PCDHA7: variants seen among roughly 807,000 people sequenced by gnomAD.
PCDHA7 encodes the protein protocadherin alpha-7.
PCDHA7 carries 37 observed loss-of-function variants against 57.2 expected under a neutral mutation model. That is an observed-to-expected ratio of 0.65 (90% confidence interval 0.50 to 0.85). PCDHA7 has a LOEUF of 0.85. Ranked by LOEUF, PCDHA7 falls within the 40% of genes least tolerant of loss-of-function variation. The pLI is 0.00. For synonymous variants in PCDHA7, 553 were observed against 558.8 expected, an observed-to-expected ratio of 0.99 and a Z score of 0.15; for missense variants, 1,188 against 1,241.8, an observed-to-expected ratio of 0.96 and a Z score of 0.65.
intron 1 of PCDHA7, among the ~76,000 whole-genome samples, chr5:140,963,398 G>C (rs1465736344): frequency 6.6e-6 from 1 of 152,220 alleles, no homozygotes; most frequent in Admixed American, 6.5e-5. Flanking sequence ...CTCCCTACTG[G>C]ATGCTGTAGA....
intron 1 of PCDHA7, among the ~76,000 whole-genome samples, chr5:140,915,092 C>T (rs781958993): frequency 9.2e-5 from 14 of 151,760 alleles, no homozygotes; most frequent in East Asian, 1.9e-4. Context: ...ACTATGGGCA[C>T]GCACCACCAC....
At chr5:140,903,714 A>G (rs1159490924) in intron 1 of PCDHA7, among the ~76,000 whole-genome samples, 3 of 152,324 alleles carry the variant, frequency 2.0e-5, no homozygotes, top group African/African-American at 2.4e-5. Context: ...AAAATATACA[A>G]TTCTCCCTAT....
chr5:140,857,737 G>C (rs782448076), intron 1 of PCDHA7: 4 of 1,597,412 alleles, frequency 2.5e-6, no homozygotes, highest in Middle Eastern at 1.8e-4. Context: ...ACGCTCCCGC[G>C]CTGCTGGCGT....
At chr5:140,925,513 A>G (rs2082534793) in intron 1 of PCDHA7, among the ~76,000 whole-genome samples, 1 of 152,104 alleles carries the variant, frequency 6.6e-6, no homozygotes, top group South Asian at 2.1e-4. Flanking sequence ...CACGCAAAAG[A>G]CCAAATTAAA....
At chr5:140,841,726 A>G (rs1777447763) in intron 1 of PCDHA7, 1 of 1,613,794 alleles carries the variant, frequency 6.2e-7, no homozygotes, top group African/African-American at 1.3e-5. Flanking sequence ...TGTTCCGGGT[A>G]AAAGACCAAA....
chr5:140,951,983 A>G (rs1043433314), intron 1 of PCDHA7, among the ~76,000 whole-genome samples: 1 of 152,214 alleles, frequency 6.6e-6, no homozygotes, highest in African/African-American at 2.4e-5. Context: ...CAAAAGGGAA[A>G]AACCAGCCAA....
intron 2 of PCDHA7, among the ~76,000 whole-genome samples, chr5:140,980,838 A>G (rs141603230): frequency 5.3e-5 from 8 of 152,320 alleles, no homozygotes; most frequent in African/African-American, 1.4e-4. Flanking sequence ...GTGAACCTAA[A>G]TAATACTAAT....
intron 3 of PCDHA7, among the ~76,000 whole-genome samples, chr5:141,000,387 C>G (rs868946328): frequency 1.5e-5 from 1 of 66,898 alleles, no homozygotes. Context: ...CTCTCTCTCT[C>G]TCTCTCTCTA....
At chr5:140,911,250 A>G (rs1165718759) in intron 1 of PCDHA7, among the ~76,000 whole-genome samples, 1 of 152,166 alleles carries the variant, frequency 6.6e-6, no homozygotes. Context: ...AAGTTTCATC[A>G]GAATTTATAA....
chr5:140,841,473 A>G, intron 1 of PCDHA7: 1 of 1,612,990 alleles, frequency 6.2e-7, no homozygotes, highest in Non-Finnish European at 8.5e-7. Flanking sequence ...ATCGCGCAGG[A>G]CCTGGGGCTG....
chr5:140,968,614 A>G, intron 1 of PCDHA7: 5 of 1,614,142 alleles, frequency 3.1e-6, no homozygotes, highest in Non-Finnish European at 4.2e-6. Flanking sequence ...ACTCTGGGCA[A>G]AATGCTTGGC....
At chr5:140,970,554 G>A (rs72802985) in intron 1 of PCDHA7, among the ~76,000 whole-genome samples, 7,177 of 152,136 alleles carry the variant, frequency 0.047, 194 homozygotes, top group Non-Finnish European at 0.062. Context: ...TTGTGTGTTC[G>A]TCTCCATATG....
chr5:140,876,841 CA>C, intron 1 of PCDHA7: 1 of 1,614,130 alleles, frequency 6.2e-7, no homozygotes, highest in South Asian at 1.1e-5. Flanking sequence ...TGCGTTCGCG[CA>C]GCCCGAGTAC....
intron 1 of PCDHA7, chr5:140,863,190 G>A (rs782460122): frequency 1.3e-6 from 1 of 798,634 alleles, no homozygotes; most frequent in South Asian, 1.3e-5. Context: ...TCACCGTGGT[G>A]GCGTCGCTGG....
chr5:140,950,917 A>ACT (rs1554219681), intron 1 of PCDHA7, among the ~76,000 whole-genome samples: 4 of 151,642 alleles, frequency 2.6e-5, no homozygotes, highest in African/African-American at 9.7e-5. Context: ...ATTTTATTTC[A>ACT]GTTCTTTTTC....
chr5:140,953,034 C>T (rs1337571700), intron 1 of PCDHA7, among the ~76,000 whole-genome samples: 1 of 152,168 alleles, frequency 6.6e-6, no homozygotes, highest in Non-Finnish European at 1.5e-5. Context: ...GGGAAATCCA[C>T]CCCCATGATC....
At chr5:140,945,243 A>G (rs1554216829) in intron 1 of PCDHA7, among the ~76,000 whole-genome samples, 1 of 152,166 alleles carries the variant, frequency 6.6e-6, no homozygotes, top group Admixed American at 6.5e-5. Flanking sequence ...AATTTAACCA[A>G]GAGGATGAAA....
chr5:140,926,805 G>T (rs1383202456), intron 1 of PCDHA7: 3 of 1,452,468 alleles, frequency 2.1e-6, no homozygotes, highest in East Asian at 5.0e-5. Flanking sequence ...GCTCTTCCCC[G>T]CGGCTCGTGC....
chr5:140,870,252 G>C lies in PCDHA7; in HGVS notation c.2355+33514G>C, dbSNP rs782545691. On this transcript the variant is annotated intron_variant, in intron 1 of 3. Coordinates refer to ENST00000525929, the MANE Select transcript of PCDHA7 (RefSeq NM_018910.3). ...ACCGTGACTCAGGTGTCAACGGACA[G>C]GTGACCTGCTCGCTGACGCCCCACG... The C allele has an allele frequency of 4.3e-6, 7 of 1,614,080 alleles. No homozygotes were observed. The South Asian group carries it at 7.7e-5, about 18-fold the overall frequency.
Sources: allele counts gnomAD v4.1 joint callset (sites outside exome capture counted in the v4.1 genomes callset), GRCh38; gene constraint gnomAD v4.1.1; transcripts MANE v1.5; gene names NCBI Gene and HGNC (gene_info 2026-07-23, HGNC 2026-07-21).